Variants in ARFGEF1 observed in about 807,000 individuals in gnomAD.
ARFGEF1 encodes brefeldin A-inhibited guanine nucleotide-exchange protein 1.
A neutral mutation model predicts 231.0 loss-of-function variants in ARFGEF1; 42 were observed. The observed-to-expected ratio is 0.18, with a 90% confidence interval of 0.14 to 0.24. The LOEUF is 0.24. Ranked by LOEUF, ARFGEF1 falls within the 10% of genes least tolerant of loss-of-function variation. The probability of loss-of-function intolerance (pLI) is 1.00; values close to 1 mark genes in which losing one functional copy is unlikely to be tolerated. For synonymous variants in ARFGEF1, 710 were observed against 732.3 expected (o/e 0.97, Z 0.49); for missense variants, 1,345 against 2,192.0 (o/e 0.61, Z 7.72).
rs1300937423 is a variant in ARFGEF1 at position 67,198,563 on chromosome 8, A to C, written c.*371T>G. ...ATAAACATTTTATCCTTCAAAATAC[A>C]GCTCTCCTGAGTTGTACTTCTTGTA... is the stretch of plus-strand genomic sequence containing the variant. On this transcript the variant is annotated 3_prime_UTR_variant, in exon 39 of 39. Coordinates refer to ENST00000262215, the MANE Select transcript of ARFGEF1 (RefSeq NM_006421.5). The C allele has an allele frequency of 1.1e-5, 11 of 1,001,454 alleles. No individual in the cohort carries two copies. The highest frequency in any genetic ancestry group is 1.3e-5 in the Non-Finnish European group (11 of 840,914). 62.0% of individuals were successfully genotyped at this position (1,001,454 alleles called of 1,614,324 possible).
Position 67,185,602 on chromosome 8 carries a change from G to T in ARFGEF1, c.561-10030C>A, listed in dbSNP as rs1246246750. On this transcript the variant is annotated intron_variant, in intron 5 of 5. Coordinates refer to the ARFGEF1 transcript ENST00000518789. ...TATTAGTTGACAGCAATTAGTAGCTGTGGAGGAAGATGCAGAGTCAGAAGA... is the reference window on the plus strand; with the variant it reads ...TATTAGTTGACAGCAATTAGTAGCTTTGGAGGAAGATGCAGAGTCAGAAGA... Among the ~76,000 whole-genome samples the T allele has an allele frequency of 2.0e-5, 3 of 152,180 alleles. No individual in the cohort carries two copies. The East Asian group carries it at 5.8e-4, about 29-fold the overall frequency.
intron 1 of ARFGEF1, among the ~76,000 whole-genome samples, chr8:67,304,323 A>C (rs1450640584): frequency 6.6e-6 from 1 of 152,244 alleles, no homozygotes; most frequent in Non-Finnish European, 1.5e-5. Flanking sequence ...TCTGATGTTC[A>C]GTATTTCAGT....
chr8:67,304,224 A>T (rs1806634925), intron 1 of ARFGEF1, among the ~76,000 whole-genome samples: 1 of 152,234 alleles, frequency 6.6e-6, no homozygotes, highest in African/African-American at 2.4e-5. Flanking sequence ...TCACCTTGCT[A>T]TACAATTTCT....
chr8:67,327,307 G>A (rs1031384557), intron 1 of ARFGEF1, among the ~76,000 whole-genome samples: 4 of 150,418 alleles, frequency 2.7e-5, no homozygotes, highest in Non-Finnish European at 4.4e-5. Context: ...CAGACTCCTC[G>A]ATGACGTACG....
intron 38 of ARFGEF1, 58 bp from the exon 39 acceptor site, chr8:67,199,156 T>G: frequency 6.4e-7 from 1 of 1,566,280 alleles, no homozygotes; most frequent in Non-Finnish European, 8.6e-7. Flanking sequence ...AGCCTTAAAC[T>G]GCCTAGAGTC....
At chr8:67,240,364 A>G (rs1386207356) in intron 19 of ARFGEF1, 74 bp from the exon 20 acceptor site, 2 of 1,331,740 alleles carry the variant, frequency 1.5e-6, no homozygotes, top group Admixed American at 2.8e-5. Flanking sequence ...CTTTTAGACA[A>G]TACAAGTTCT....
chr8:67,263,011 A>T (rs999594949), intron 14 of ARFGEF1, among the ~76,000 whole-genome samples: 67 of 152,156 alleles, frequency 4.4e-4, no homozygotes, highest in African/African-American at 1.6e-3. Context: ...TTAATCTTCA[A>T]GTAATCTTGG....
At chr8:67,317,872 C>G (rs1807393542) in intron 1 of ARFGEF1, among the ~76,000 whole-genome samples, 1 of 146,032 alleles carries the variant, frequency 6.8e-6, no homozygotes, top group Admixed American at 6.9e-5. Flanking sequence ...GTACTCCAGC[C>G]TGGGTGACAG....
chr8:67,284,553 A>G (rs941008083), intron 7 of ARFGEF1, among the ~76,000 whole-genome samples: 1 of 152,242 alleles, frequency 6.6e-6, no homozygotes, highest in Non-Finnish European at 1.5e-5. Context: ...AAGGATACAT[A>G]TAATTACAGA....
At chr8:67,214,061 C>A (rs1314384808) in intron 33 of ARFGEF1, among the ~76,000 whole-genome samples, 3 of 152,216 alleles carry the variant, frequency 2.0e-5, no homozygotes, top group Non-Finnish European at 4.4e-5. Flanking sequence ...TAGGGAAACA[C>A]CTACATTGCC....
intron 1 of ARFGEF1, among the ~76,000 whole-genome samples, chr8:67,310,737 T>C (rs183966790): frequency 0.023 from 3,479 of 151,430 alleles, 89 homozygotes; most frequent in South Asian, 0.047. Flanking sequence ...GGAGCGCCTC[T>C]GCCCGGCCGC....
At chr8:67,328,464 AT>A (rs1807942482) in intron 1 of ARFGEF1, among the ~76,000 whole-genome samples, 1 of 151,870 alleles carries the variant, frequency 6.6e-6, no homozygotes, top group African/African-American at 2.4e-5. Flanking sequence ...TTTCTCCAGC[AT>A]CTCTCTGATT....
At chr8:67,217,947 A>AT in intron 31 of ARFGEF1, 27 bp from the exon 32 acceptor site, 1 of 1,612,904 alleles carries the variant, frequency 6.2e-7, no homozygotes, top group Non-Finnish European at 8.5e-7. Context: ...CAATTCATTT[A>AT]TATATTACCA....
At chr8:67,343,133 A>AC (rs1302710121) in intron 1 of ARFGEF1, 31 bp downstream of exon 1, 3 of 641,824 alleles carry the variant, frequency 4.7e-6, no homozygotes, top group Non-Finnish European at 6.5e-6. Context: ...CACAACAAGC[A>AC]CCCCATCCCC....
rs543521187 is a variant in ARFGEF1, at chr8:67,225,851, A to G, written c.4077+172T>C. Reference sequence around the variant, plus strand: ...CTCAGAAAAATACCTGACACTTTCAATAATGGTTAGTTATAATCACTAACC... The same window carrying G: ...CTCAGAAAAATACCTGACACTTTCAGTAATGGTTAGTTATAATCACTAACC... On this transcript the variant is annotated intron_variant, in intron 28 of 38. Transcript: ENST00000262215. Among the ~76,000 whole-genome samples, 35 of 152,326 alleles carry G rather than the reference A, an allele frequency of 2.3e-4. 1 individual carries two copies. In the South Asian group the frequency reaches 6.8e-3, roughly 30 times the overall value.
At position 67,266,939 on chromosome 8, in the gene ARFGEF1, A is replaced by G. The variant is rs1804875619; in HGVS notation, c.1858T>C (p.Leu620=). ...TTACTCCATTCAACCATACACTTCA[A>G]AATCGACACTAAGCATTCTAAACCT... ...KKGLECLVSI[L]KCMVEWSKDQ... The change falls in exon 13 of 39, where the codon TTG becomes CTG. Residue 620 remains leucine (L), a synonymous_variant. Coordinates refer to ENST00000262215, the MANE Select transcript of ARFGEF1 (RefSeq NM_006421.5). 6.2e-7 allele frequency: 1 copy of G among 1,613,574 alleles called. No individual in the cohort carries two copies. Among genetic ancestry groups the G allele is most frequent in the African/African-American group, 1.3e-5 (1 of 74,904 alleles).
chr8:67,264,167 G>C (rs748963973), intron 14 of ARFGEF1, among the ~76,000 whole-genome samples: 1 of 152,052 alleles, frequency 6.6e-6, no homozygotes, highest in Non-Finnish European at 1.5e-5. Flanking sequence ...GGTTACTCTA[G>C]TTAAGCATGG....
At chr8:67,294,028 A>G (rs770379959) in intron 5 of ARFGEF1, among the ~76,000 whole-genome samples, 1 of 152,034 alleles carries the variant, frequency 6.6e-6, no homozygotes, top group South Asian at 2.1e-4. Flanking sequence ...TGGCGGGGGG[A>G]AAGAATAGCT....
chr8:67,258,696 C>T (rs559550050), intron 15 of ARFGEF1, among the ~76,000 whole-genome samples: 5 of 152,202 alleles, frequency 3.3e-5, no homozygotes, highest in South Asian at 2.1e-4. Flanking sequence ...TGTTAAGATC[C>T]GCAGACTTTT....
Sources: allele counts gnomAD v4.1 joint callset (sites outside exome capture counted in the v4.1 genomes callset), GRCh38; gene constraint gnomAD v4.1.1; transcripts MANE v1.5; gene names NCBI Gene and HGNC (gene_info 2026-07-23, HGNC 2026-07-21).